The following THRA variants were observed in gnomAD, a reference collection of about 807,000 sequenced individuals.
THRA encodes the protein thyroid hormone receptor alpha.
In THRA, 13 loss-of-function variants were observed where a neutral mutation model predicts 45.0. The observed-to-expected ratio is 0.29, with a 90% CI of 0.19 to 0.46. The LOEUF (loss-of-function observed/expected upper bound fraction) is 0.46. Among genes scored for constraint, THRA ranks in the 20% least tolerant of loss-of-function variants. The pLI is 1.00. For missense variants in THRA, 278 were observed against 556.1 expected (o/e 0.50, Z 5.03); for synonymous variants, 195 against 214.0 (o/e 0.91, Z 0.78).
Position 40,083,717 on chromosome 17 carries a change from C to T in THRA, c.223-118C>T, listed in dbSNP as rs529831831. 9.8e-6 allele frequency: 13 copies of T among 1,332,670 alleles called. No individual in the cohort carries two copies. The South Asian group carries it at 1.1e-4, about 11-fold the overall frequency. 82.6% of individuals were successfully genotyped at this position (1,332,670 alleles called of 1,614,324 possible). A position where few individuals can be genotyped will look rare whatever the true frequency, so the allele number is the denominator to read the frequency against. The stretch of plus-strand genomic sequence containing the variant: ...TCATGGTGTCAGGAGGATGCCAGGT[C>T]CCCTCACTGATCTTGCCTTCCTTGC... On this transcript the variant is annotated intron_variant, in intron 4 of 8. Transcript: ENST00000450525.
At chr17:40,066,883 G>A (rs1207038799) in intron 1 of THRA, among the ~76,000 whole-genome samples, 2 of 152,146 alleles carry the variant, frequency 1.3e-5, no homozygotes, top group African/African-American at 4.8e-5. Flanking sequence ...GTAAATTGGG[G>A]ATGATCATAT....
At position 40,083,909 on chromosome 17, in the gene THRA, T is replaced by C. The variant is rs200124655; in HGVS notation, c.297T>C (p.Ile99=). 6.9e-5 allele frequency: 111 copies of C among 1,613,960 alleles called. No individual in the cohort carries two copies. The highest frequency in any genetic ancestry group is 2.7e-4 in the South Asian group (25 of 91,052). Residue 99 remains isoleucine (I), a synonymous_variant, in exon 5 of 9, where the codon ATT becomes ATC. Transcript: ENST00000450525. ...YSCKYDSCCV[I]DKITRNQCQL... ...GCAAATATGACAGCTGCTGTGTCAT[T>C]GACAAGATCACCCGCAATCAGTGCC...
At chr17:40,093,372 C>A (rs746097315), downstream of THRA, 1 of 1,610,822 alleles carries the variant, frequency 6.2e-7, no homozygotes, top group Admixed American at 1.7e-5. The surrounding 1 kb of genome is among the most constrained non-coding windows in gnomAD (Gnocchi z 5.9). Context: ...GGCAATGCAG[C>A]CTCTCCCTGA....
chr17:40,088,211 T>G (rs774562765), intron 7 of THRA, 31 bp from the exon 8 acceptor site: 1 of 1,559,592 alleles, frequency 6.4e-7, no homozygotes, highest in Non-Finnish European at 8.7e-7. Context: ...AGGGGTATGC[T>G]GAGTGCTCCT....
chr17:40,078,299 A>G (rs8067815), intron 4 of THRA, among the ~76,000 whole-genome samples: 12,109 of 152,186 alleles, frequency 0.08, 1,631 homozygotes, highest in African/African-American at 0.27. Flanking sequence ...CCTAGCTAAC[A>G]CAGTGAGACA....
rs1987262011 is a variant in THRA at position 40,084,713 on chromosome 17, A to G, written c.474A>G (p.Pro158=). The change falls in exon 6 of 9, where the codon CCA becomes CCG. Residue 158 remains proline, a synonymous_variant. Transcript: ENST00000450525. ...EEMIRSLQQR[P]EPTPEEWDLI... ...TGATCCGATCACTGCAGCAGCGACC[A>G]GAGCCCACTCCTGAAGAGTGGGATC... is the stretch of plus-strand genomic sequence containing the variant. The G allele has an allele frequency of 1.9e-6, 3 of 1,614,154 alleles. No homozygotes were observed. Among genetic ancestry groups the G allele is most frequent in the Non-Finnish European group, 2.5e-6 (3 of 1,180,032 alleles).
chr17:40,075,468 G>A (rs1037760458), intron 2 of THRA, among the ~76,000 whole-genome samples: 2 of 152,230 alleles, frequency 1.3e-5, no homozygotes, highest in African/African-American at 4.8e-5. Context: ...CAGGGCATGG[G>A]GTAGCTCCCC....
At chr17:40,077,296 C>T (rs1021668680) in intron 3 of THRA, among the ~76,000 whole-genome samples, 8 of 152,130 alleles carry the variant, frequency 5.3e-5, no homozygotes, top group African/African-American at 1.7e-4. Context: ...AAGAAGAAAG[C>T]CCTGAATGGG....
intron 4 of THRA, among the ~76,000 whole-genome samples, chr17:40,083,441 G>A (rs553480541): frequency 1.2e-3 from 175 of 150,796 alleles, no homozygotes; most frequent in African/African-American, 4.1e-3. Flanking sequence ...TCGAACTCCC[G>A]ACCTCAGTTG....
At chr17:40,071,685 T>G (rs1432886439) in intron 1 of THRA, among the ~76,000 whole-genome samples, 1 of 152,160 alleles carries the variant, frequency 6.6e-6, no homozygotes, top group Admixed American at 6.5e-5. Context: ...TAAGCTGGAC[T>G]CTGGAGGAGG....
upstream of THRA, chr17:40,062,414 G>A (rs1362267319): frequency 6.6e-6 from 1 of 152,090 alleles, no homozygotes; most frequent in Non-Finnish European, 1.5e-5. Context: ...TGAAGCTTGA[G>A]GAAGCTCTGC....
intron 1 of THRA, 87 bp downstream of exon 1, chr17:40,063,179 A>T (rs1986421686): frequency 6.6e-6 from 1 of 152,368 alleles, no homozygotes; most frequent in African/African-American, 2.4e-5. Context: ...GCCAGCTCCC[A>T]GGCGGGCTAG....
Position 40,069,229 on chromosome 17 carries a change from C to T in THRA, c.-297-4963C>T, listed in dbSNP as rs570701066. Among the ~76,000 whole-genome samples, 6 of 150,236 alleles carry T rather than the reference C, an allele frequency of 4.0e-5. No individual in the cohort carries two copies. The East Asian group carries it at 1.2e-3, about 30-fold the overall frequency. On this transcript the variant is annotated intron_variant, in intron 1 of 8. Coordinates refer to ENST00000450525, the MANE Select transcript of THRA (RefSeq NM_199334.5). ...ACTCTCAATCTTTCTCTCTTCCCTC[C>T]CCCTTCCTCCCTCCTTCCTATTCCC...
chr17:40,076,738 C>G (rs1986967835), intron 2 of THRA, 133 bp from the exon 3 acceptor site: 4 of 889,150 alleles, frequency 4.5e-6, no homozygotes, highest in Non-Finnish European at 6.9e-6. Context: ...TCAGCTGACC[C>G]TGGGGGGTGG....
At chr17:40,064,757 A>T (rs1247430707) in intron 1 of THRA, among the ~76,000 whole-genome samples, 1 of 152,174 alleles carries the variant, frequency 6.6e-6, no homozygotes, top group South Asian at 2.1e-4. Flanking sequence ...AGCCTAGCAC[A>T]AGGGCTGCTC....
chr17:40,089,540 C>T lies in THRA; in HGVS notation c.*84C>T, dbSNP rs1598398906. 1.2e-5 allele frequency: 18 copies of T among 1,525,342 alleles called. No individual in the cohort carries two copies. In the East Asian group the frequency reaches 4.0e-4, roughly 34 times the overall value. The allele number at this position is 1,525,342 out of a possible 1,614,324, so 94.5% of individuals were successfully genotyped here. A position where few individuals can be genotyped will look rare whatever the true frequency, so the allele number is the denominator to read the frequency against. On this transcript the variant is annotated 3_prime_UTR_variant, in exon 9 of 9. Transcript: ENST00000450525. This position sits in a 1 kb window ranked among gnomAD's most constrained non-coding sequence, Gnocchi z 6.1. ...CAGAGCTGGGGGCTGAGGGAGACCC[C>T]CCCACACCCCTTCTCTCCTTCCTCT...
At chr17:40,071,659 A>G (rs1986780990) in intron 1 of THRA, among the ~76,000 whole-genome samples, 1 of 152,108 alleles carries the variant, frequency 6.6e-6, no homozygotes, top group Admixed American at 6.5e-5. Context: ...AGGTACCAGG[A>G]AGGAGTTTGG....
intron 4 of THRA, among the ~76,000 whole-genome samples, chr17:40,080,413 A>C (rs1987097151): frequency 6.6e-6 from 1 of 151,392 alleles, no homozygotes; most frequent in South Asian, 2.1e-4. Context: ...TTAAAAACAA[A>C]AAACAAACAA....
chr17:40,072,614 C>G (rs1420327031), intron 1 of THRA, among the ~76,000 whole-genome samples: 3 of 152,110 alleles, frequency 2.0e-5, no homozygotes, highest in African/African-American at 7.2e-5. Context: ...GACAGACATG[C>G]AGGCAGCCTC....
Sources: gnomAD v4.1 joint callset for allele counts (sites outside exome capture counted in the v4.1 genomes callset) on GRCh38, gnomAD v4.1.1 for gene constraint, Gnocchi (gnomAD v3.1) non-coding constraint, MANE v1.5 for transcripts, NCBI Gene and HGNC (gene_info 2026-07-23, HGNC 2026-07-21) for gene names.